UAP1: variants seen among roughly 807,000 people sequenced by gnomAD.
The protein encoded by UAP1 is UDP-N-acetylglucosamine pyrophosphorylase 1.
A neutral mutation model predicts 58.5 loss-of-function variants in UAP1; 25 were observed. That is an observed-to-expected ratio of 0.43 (90% CI 0.31 to 0.60). The LOEUF is 0.60. Among genes scored for constraint, UAP1 ranks in the 20% least tolerant of loss-of-function variants. The probability of loss-of-function intolerance (pLI) is 0.11; values close to 1 mark genes in which losing one functional copy is unlikely to be tolerated. For missense variants in UAP1, 575 were observed against 630.0 expected, an observed-to-expected ratio of 0.91 and a Z score of 0.93; for synonymous variants, 208 against 213.0, an observed-to-expected ratio of 0.98 and a Z score of 0.21.
chr1:162,599,233 A>T (rs12090991), intron 10 of UAP1, 38 bp from the exon 11 acceptor site: 2 of 1,496,848 alleles, frequency 1.3e-6, no homozygotes, highest in African/African-American at 1.4e-5. Flanking sequence ...GACAAGTGCA[A>T]ATTTTCTAAT....
Position 162,588,676 on chromosome 1 carries a change from C to G in UAP1, c.1029-17C>G. The G allele has an allele frequency of 6.3e-6, 10 of 1,590,626 alleles. No individual in the cohort carries two copies. Among genetic ancestry groups the G allele is most frequent in the Non-Finnish European group, 8.5e-6 (10 of 1,171,608 alleles). On this transcript the variant is annotated splice_polypyrimidine_tract_variant and intron_variant, in intron 6 of 10. Coordinates refer to ENST00000271469, the Ensembl canonical transcript of UAP1. ...AATCTGGAACGTGATTATATCTTTTCTCCTCCTGCTTCTTAGTGTTTATGA... is the reference window on the plus strand; with the variant it reads ...AATCTGGAACGTGATTATATCTTTTGTCCTCCTGCTTCTTAGTGTTTATGA...
intron 2 of UAP1, among the ~76,000 whole-genome samples, chr1:162,574,902 A>G (rs748359689): frequency 5.9e-5 from 9 of 152,192 alleles, no homozygotes; most frequent in Non-Finnish European, 1.2e-4. Flanking sequence ...TTTGAAGAAT[A>G]ACATTTTTAT....
chr1:162,594,191 G>A (rs1199713409), intron 9 of UAP1, among the ~76,000 whole-genome samples: 4 of 152,080 alleles, frequency 2.6e-5, no homozygotes, highest in Non-Finnish European at 5.9e-5. Flanking sequence ...AGAATCAGTG[G>A]GAGCCCTGAG....
chr1:162,578,088 GTT>G (rs1439022985), intron 3 of UAP1, among the ~76,000 whole-genome samples: 1 of 152,100 alleles, frequency 6.6e-6, no homozygotes, highest in Non-Finnish European at 1.5e-5. Context: ...CTTTTTATAA[GTT>G]TTTGGTTCAG....
chr1:162,565,181 C>T (rs1427990235), intron 1 of UAP1, among the ~76,000 whole-genome samples: 2 of 152,254 alleles, frequency 1.3e-5, no homozygotes, highest in South Asian at 2.1e-4. Context: ...CAACCCTTAA[C>T]ACATGGCTAG....
intron 2 of UAP1, among the ~76,000 whole-genome samples, chr1:162,573,816 T>A: frequency 6.6e-6 from 1 of 151,798 alleles, no homozygotes; most frequent in East Asian, 2.0e-4. Flanking sequence ...ATACAAAAAT[T>A]AGCTAAGTGC....
intron 4 of UAP1, among the ~76,000 whole-genome samples, chr1:162,580,040 A>AT (rs145347032): frequency 3.3e-5 from 5 of 151,834 alleles, no homozygotes; most frequent in Admixed American, 6.6e-5. Flanking sequence ...AAGTTTTTGT[A>AT]TTTTTTTGTA....
intron 5 of UAP1, among the ~76,000 whole-genome samples, chr1:162,584,179 G>C (rs1252341584): frequency 6.6e-6 from 1 of 152,152 alleles, no homozygotes; most frequent in African/African-American, 2.4e-5. Context: ...TTACCTGTGG[G>C]CTCTGTAGGA....
At chr1:162,599,455 G>A (rs537371601) in exon 11 of UAP1, 11 of 780,622 alleles carry the variant, frequency 1.4e-5, no homozygotes, top group Admixed American at 1.0e-4. Flanking sequence ...GACAACTGAA[G>A]TTTAAATATC....
intron 5 of UAP1, among the ~76,000 whole-genome samples, chr1:162,584,452 A>G (rs922962964): frequency 2.0e-5 from 3 of 152,196 alleles, no homozygotes; most frequent in African/African-American, 7.2e-5. Context: ...ATACTGTGGT[A>G]GTAGAATTAT....
chr1:162,583,533 C>G (rs1654730782), intron 5 of UAP1, among the ~76,000 whole-genome samples: 1 of 152,150 alleles, frequency 6.6e-6, no homozygotes. Context: ...TTTATGCAAT[C>G]AGAGAGTGTT....
At chr1:162,574,794 G>T (rs1274576779) in intron 2 of UAP1, among the ~76,000 whole-genome samples, 1 of 151,376 alleles carries the variant, frequency 6.6e-6, no homozygotes, top group Non-Finnish European at 1.5e-5. Flanking sequence ...ATTATGGCAA[G>T]ATTTTTTTTT....
intron 5 of UAP1, 61 bp from the exon 6 acceptor site, chr1:162,587,414 C>T (rs1157971761): frequency 6.8e-7 from 1 of 1,461,870 alleles, no homozygotes. Context: ...TTGACAATGG[C>T]AAATCTCCAA....
chr1:162,579,274 A>G (rs550924865), intron 3 of UAP1, among the ~76,000 whole-genome samples, 154 bp from the exon 4 acceptor site: 3 of 152,346 alleles, frequency 2.0e-5, no homozygotes, highest in South Asian at 4.1e-4. Flanking sequence ...GGTAACAGCT[A>G]ATGAATGTGT....
chr1:162,587,565 C>T, exon 6 of UAP1: 1 of 1,614,162 alleles, frequency 6.2e-7, no homozygotes, highest in Non-Finnish European at 8.5e-7. Context: ...TGAGATTTCC[C>T]TGGCAACAGC....
exon 5 of UAP1, chr1:162,581,352 G>A (rs1358007332): frequency 6.2e-7 from 1 of 1,613,972 alleles, no homozygotes; most frequent in African/African-American, 1.3e-5. Flanking sequence ...GGAGCAAAGA[G>A]GCATTTGGAG....
intron 2 of UAP1, among the ~76,000 whole-genome samples, chr1:162,570,802 GT>G (rs1376246331): frequency 1.3e-5 from 2 of 152,138 alleles, no homozygotes; most frequent in Non-Finnish European, 2.9e-5. Flanking sequence ...TGAGTAGCCT[GT>G]TTACCCAACT....
At chr1:162,571,861 G>A (rs1653886165) in intron 2 of UAP1, among the ~76,000 whole-genome samples, 1 of 152,194 alleles carries the variant, frequency 6.6e-6, no homozygotes, top group Admixed American at 6.5e-5. Context: ...ACTTCAGCCA[G>A]TGTACACACA....
chr1:162,578,657 A>G (rs1363477475), intron 3 of UAP1, among the ~76,000 whole-genome samples: 3 of 152,216 alleles, frequency 2.0e-5, no homozygotes, highest in Non-Finnish European at 4.4e-5. Context: ...TTCTTCTGTC[A>G]TCTTCTAAAT....
Sources: gnomAD v4.1 joint callset for allele counts (sites outside exome capture counted in the v4.1 genomes callset) on GRCh38, gnomAD v4.1.1 for gene constraint, MANE v1.5 for transcripts, NCBI Gene and HGNC (gene_info 2026-07-23, HGNC 2026-07-21) for gene names.